Variants in LRRC37A2 observed in about 807,000 individuals in gnomAD.
LRRC37A2 encodes the protein leucine rich repeat containing 37 member A2.
Under a neutral mutation model 68.8 loss-of-function variants are expected in LRRC37A2, and 9 were observed. The ratio of observed to expected loss-of-function variants is 0.13; its 90% confidence interval spans 0.08 to 0.23. The LOEUF is 0.23. LRRC37A2 is among the 10% of genes least tolerant of loss of function. The probability of loss-of-function intolerance (pLI) is 1.00; values close to 1 mark genes in which losing one functional copy is unlikely to be tolerated. For missense variants in LRRC37A2, 168 were observed against 950.4 expected, an observed-to-expected ratio of 0.18 and a Z score of 10.82; for synonymous variants, 63 against 367.6, an observed-to-expected ratio of 0.17 and a Z score of 9.48.
chr17:46,539,396 A>G (rs1206226540), intron 6 of LRRC37A2, among the ~76,000 whole-genome samples: 1 of 141,236 alleles, frequency 7.1e-6, no homozygotes, highest in Non-Finnish European at 1.5e-5. Flanking sequence ...CTTTGGCTAT[A>G]AAGCAAAAGA....
chr17:46,978,944 C>A, the LRRC37A2 span: 17 of 1,454,472 alleles, frequency 1.2e-5, no homozygotes, highest in Non-Finnish European at 1.5e-5. Context: ...AGGGCGGCCC[C>A]GGCGCCGCCG....
At chr17:46,898,607 T>C in the LRRC37A2 span, among the ~76,000 whole-genome samples, 1 of 152,112 alleles carries the variant, frequency 6.6e-6, no homozygotes, top group African/African-American at 2.4e-5. Flanking sequence ...GGAGGAAAGA[T>C]AGGAAGCAGA....
the LRRC37A2 span, among the ~76,000 whole-genome samples, chr17:46,834,803 G>A: frequency 5.9e-5 from 9 of 152,092 alleles, no homozygotes; most frequent in African/African-American, 9.7e-5. Flanking sequence ...CTTCCCCCAC[G>A]CTAATATACT....
chr17:46,751,393 T>G, the LRRC37A2 span: 1 of 762,092 alleles, frequency 1.3e-6, no homozygotes, highest in Non-Finnish European at 2.2e-6. Flanking sequence ...TTCTATCAAC[T>G]TGAACAGTTA....
the LRRC37A2 span, among the ~76,000 whole-genome samples, chr17:46,708,197 G>T: frequency 6.6e-6 from 1 of 152,000 alleles, no homozygotes; most frequent in African/African-American, 2.4e-5. Flanking sequence ...TAGTTCTTTC[G>T]GGTATATACT....
At chr17:46,850,309 G>C in the LRRC37A2 span, among the ~76,000 whole-genome samples, 1 of 152,220 alleles carries the variant, frequency 6.6e-6, no homozygotes, top group African/African-American at 2.4e-5. Context: ...TGATAGGGCT[G>C]GCAGAGCTGT....
At chr17:46,768,882 C>T in the LRRC37A2 span, 8 of 1,553,758 alleles carry the variant, frequency 5.1e-6, no homozygotes, top group Non-Finnish European at 6.1e-6. This position sits in a 1 kb window ranked among gnomAD's most constrained non-coding sequence, Gnocchi z 5.0. Context: ...CCACTGCCCA[C>T]CCCCTTCCCT....
the LRRC37A2 span, chr17:46,721,637 T>A: frequency 5.0e-6 from 8 of 1,593,614 alleles, no homozygotes; most frequent in Non-Finnish European, 3.4e-6. Flanking sequence ...GAGCTTCTTA[T>A]AGACACCAGA....
chr17:46,718,218 G>A, the LRRC37A2 span, among the ~76,000 whole-genome samples: 1 of 152,184 alleles, frequency 6.6e-6, no homozygotes, highest in Non-Finnish European at 1.5e-5. Flanking sequence ...AGTGCCAAAG[G>A]GCAGCCCCAA....
the LRRC37A2 span, among the ~76,000 whole-genome samples, chr17:47,026,192 T>TG: frequency 6.6e-6 from 1 of 152,180 alleles, no homozygotes; most frequent in Non-Finnish European, 1.5e-5. Context: ...TTGTGTAACA[T>TG]CAGAGAGACA....
chr17:46,821,806 T>TC, the LRRC37A2 span, among the ~76,000 whole-genome samples: 3 of 151,902 alleles, frequency 2.0e-5, no homozygotes, highest in African/African-American at 4.8e-5. Context: ...TGATGTGCAC[T>TC]CCCCCGGGGC....
the LRRC37A2 span, among the ~76,000 whole-genome samples, chr17:46,890,213 T>C: frequency 9.9e-5 from 15 of 152,214 alleles, no homozygotes; most frequent in Admixed American, 9.8e-4. Flanking sequence ...TCAGTTCAGA[T>C]TAGAGCCCAT....
chr17:46,814,443 G>T, the LRRC37A2 span, among the ~76,000 whole-genome samples: 3 of 152,182 alleles, frequency 2.0e-5, no homozygotes, highest in African/African-American at 7.2e-5. Context: ...CATAATGGGG[G>T]CGGGGTGAGC....
At chr17:46,497,823 C>A in the LRRC37A2 span, among the ~76,000 whole-genome samples, 1 of 146,922 alleles carries the variant, frequency 6.8e-6, no homozygotes, top group Non-Finnish European at 1.5e-5. Context: ...GACCTGATTT[C>A]CTTGACCAGT....
chr17:47,002,388 A>ATTT, the LRRC37A2 span, among the ~76,000 whole-genome samples: 1 of 140,204 alleles, frequency 7.1e-6, no homozygotes, highest in Admixed American at 7.1e-5. Flanking sequence ...TTTTATTTTT[A>ATTT]TTTTTTTTTT....
chr17:46,676,266 C>A, the LRRC37A2 span, among the ~76,000 whole-genome samples: 1 of 137,028 alleles, frequency 7.3e-6, no homozygotes, highest in African/African-American at 2.9e-5. Context: ...GAGTTTTGCT[C>A]TTGTTGCCCA....
the LRRC37A2 span, among the ~76,000 whole-genome samples, chr17:46,887,815 C>G: frequency 1.5e-4 from 23 of 152,214 alleles, no homozygotes; most frequent in South Asian, 4.8e-3. Context: ...ATAGATAACA[C>G]ATGTAGCACT....
At chr17:46,978,373 C>A in the LRRC37A2 span, 1 of 429,328 alleles carries the variant, frequency 2.3e-6, no homozygotes, top group South Asian at 3.1e-5. Context: ...CTGCCCCGAA[C>A]GTCTTAAAAA....
At chr17:46,881,606 T>A in the LRRC37A2 span, among the ~76,000 whole-genome samples, 1 of 152,166 alleles carries the variant, frequency 6.6e-6, no homozygotes, top group African/African-American at 2.4e-5. Context: ...ATCTGAGCCT[T>A]ACTTTGTTCC....
Sources: allele counts gnomAD v4.1 joint callset (sites outside exome capture counted in the v4.1 genomes callset), GRCh38; gene constraint gnomAD v4.1.1; non-coding constraint Gnocchi (gnomAD v3.1); transcripts MANE v1.5; gene names NCBI Gene and HGNC (gene_info 2026-07-23, HGNC 2026-07-21).